The following TMEM218 variants were observed in gnomAD, a reference collection of about 807,000 sequenced individuals.
TMEM218 encodes transmembrane protein 218.
Under a neutral mutation model 10.0 loss-of-function variants are expected in TMEM218, and 8 were observed. That is an observed-to-expected ratio of 0.80 (90% CI 0.47 to 1.44). The LOEUF (loss-of-function observed/expected upper bound fraction) is 1.44. TMEM218 is among the 40% of genes most tolerant of loss of function. The pLI is 0.00. For synonymous variants in TMEM218, 66 were observed against 63.5 expected (o/e 1.04, Z -0.18); for missense variants, 110 against 140.1 (o/e 0.79, Z 1.08).
Position 125,108,342 on chromosome 11 carries a change from CAAATGATTCTCCAATAGG to C in TMEM218, c.-153+3179_-153+3196del, listed in dbSNP as rs1364328823. Among the ~76,000 whole-genome samples the C allele has an allele frequency of 1.3e-5, 2 of 152,076 alleles. No individual in the cohort carries two copies. The highest frequency in any genetic ancestry group is 3.9e-4 in the East Asian group (2 of 5,194). On this transcript the variant is annotated intron_variant, in intron 1 of 4. Transcript: ENST00000682305. This position sits in a 1 kb window ranked among gnomAD's most constrained non-coding sequence, Gnocchi z 5.3. ...AAGAACTTCATAGATAGTGTTGGGA[CAAATGATTCTCCAATAGG>C]AAAAGAATAAAACTAGATCTCTATA... is the stretch of plus-strand genomic sequence containing the variant.
chr11:125,098,838 G>A (rs1449844764), intron 4 of TMEM218, among the ~76,000 whole-genome samples: 1 of 152,156 alleles, frequency 6.6e-6, no homozygotes, highest in Non-Finnish European at 1.5e-5. Context: ...AGAGAGGTGA[G>A]GATGGAAGCA....
intron 3 of TMEM218, chr11:125,101,715 T>C (rs1306263078): frequency 3.7e-6 from 2 of 544,740 alleles, no homozygotes; most frequent in Admixed American, 3.6e-5. Flanking sequence ...AGTCGGTTTA[T>C]GGCCTAACCC....
chr11:125,102,222 C>G lies in TMEM218; in HGVS notation c.20G>C (p.Gly7Ala). The change falls in exon 3 of 5, where the codon GGA becomes GCA. Residue 7 changes from glycine (G) to alanine (A), a missense_variant. Transcript: ENST00000682305. MAGTVL[G>A]VGAGVFILAL... is the part of the protein sequence containing the mutation. ...TAAGATGAACACGCCCGCACCGACT[C>G]CGAGCACAGTGCCAGCCATCCCGCG... 1 of 1,613,124 alleles carries G rather than the reference C, an allele frequency of 6.2e-7. No homozygotes were observed. The highest frequency in any genetic ancestry group is 8.5e-7 in the Non-Finnish European group (1 of 1,179,600).
chr11:125,102,135 G>A lies in TMEM218; in HGVS notation c.107C>T (p.Ala36Val), dbSNP rs370333194. Residue 36 changes from alanine (A) to valine (V), a missense_variant, in exon 3 of 5, where the codon GCG becomes GTG. By Grantham distance (64) the Ala-to-Val change is moderately conservative. Transcript: ENST00000682305. ...CVLLSRASGA[A>V]RFSVIFLFFG... Reference sequence around the variant, plus strand: ...CCAGTTGGACAGAATGCCTTACCTCGCCGCCCCGGAGGCTCTGGACAGCAG... The same window carrying A: ...CCAGTTGGACAGAATGCCTTACCTCACCGCCCCGGAGGCTCTGGACAGCAG... The A allele has an allele frequency of 1.7e-5, 26 of 1,551,682 alleles. No individual in the cohort carries two copies. Among genetic ancestry groups the A allele is most frequent in the South Asian group, 1.6e-4 (13 of 82,578 alleles).
At chr11:125,099,681 T>C (rs1950335065) in intron 4 of TMEM218, among the ~76,000 whole-genome samples, 1 of 152,052 alleles carries the variant, frequency 6.6e-6, no homozygotes, top group African/African-American at 2.4e-5. Flanking sequence ...CCCAGCACTT[T>C]GGGAGGCTGA....
At chr11:125,103,832 AC>A (rs1469091497) in intron 1 of TMEM218, 1 of 152,172 alleles carries the variant, frequency 6.6e-6, no homozygotes, top group African/African-American at 2.4e-5. Context: ...GGTTTTCTTT[AC>A]CCTTATGGTT....
In TMEM218 at chr11:125,102,142, C is replaced by G. The variant is rs555162278; in HGVS notation, c.100G>C (p.Gly34Arg). The G allele has an allele frequency of 6.4e-7, 1 of 1,567,530 alleles. No individual in the cohort carries two copies. The highest frequency in any genetic ancestry group is 8.6e-7 in the Non-Finnish European group (1 of 1,161,040). Residue 34 changes from glycine to arginine, a missense_variant, in exon 3 of 5, where the codon GGG becomes CGG. Transcript: ENST00000682305. ...LLCVLLSRAS[G>R]AARFSVIFLF... Reference sequence around the variant, plus strand: ...GACAGAATGCCTTACCTCGCCGCCCCGGAGGCTCTGGACAGCAGCACACAC... The same window carrying G: ...GACAGAATGCCTTACCTCGCCGCCCGGGAGGCTCTGGACAGCAGCACACAC...
chr11:125,106,478 CAGG>C lies in TMEM218; in HGVS notation c.-152-3672_-152-3670del, dbSNP rs892798944. Among the ~76,000 whole-genome samples the C allele has an allele frequency of 3.9e-5, 6 of 152,166 alleles. No homozygotes were observed. The South Asian group carries it at 6.2e-4, about 16-fold the overall frequency. ...TAAATGTATAAAACCACTAATTTAG[CAGG>C]AGATTTTAATATATGTCTCAGAAAC... On this transcript the variant is annotated intron_variant, in intron 1 of 4. Transcript: ENST00000682305.
intron 1 of TMEM218, among the ~76,000 whole-genome samples, chr11:125,109,013 A>T (rs1952984515): frequency 1.3e-5 from 2 of 152,340 alleles, no homozygotes; most frequent in South Asian, 2.1e-4. Context: ...TTCTAGACAC[A>T]GTCTTGCATA....
chr11:125,105,519 A>C (rs1334437165), intron 1 of TMEM218, among the ~76,000 whole-genome samples: 38 of 152,338 alleles, frequency 2.5e-4, no homozygotes, highest in Non-Finnish European at 1.5e-5. Context: ...AAAATTATTA[A>C]GAAATATTGA....
In TMEM218 at chr11:125,108,312, G is replaced by A. The variant is rs1419490521; in HGVS notation, c.-153+3227C>T. On this transcript the variant is annotated intron_variant, in intron 1 of 4. Transcript: ENST00000682305. This position sits in a 1 kb window ranked among gnomAD's most constrained non-coding sequence, Gnocchi z 5.3. ...CACAGAGTTGGCTTTATGATTCAAT[G>A]GGTAAAGAACTTCATAGATAGTGTT... 6.6e-6 allele frequency among the ~76,000 whole-genome samples: 1 copy of A among 152,138 alleles called. No homozygotes were observed. The highest frequency in any genetic ancestry group is 1.5e-5 in the Non-Finnish European group (1 of 68,014).
In TMEM218 at chr11:125,102,167, C is replaced by T. The variant is rs769791596; in HGVS notation, c.75G>A (p.Leu25=). The T allele has an allele frequency of 7.5e-6, 12 of 1,608,602 alleles. No homozygotes were observed. Among genetic ancestry groups the T allele is most frequent in the Non-Finnish European group, 1.0e-5 (12 of 1,177,712 alleles). ...CGGAGGCTCTGGACAGCAGCACACA[C>T]AGCAGCAGCACTGCCACCCAGAGCA... ...LALLWVAVLL[L]CVLLSRASGA... Residue 25 remains leucine (L), a synonymous_variant, in exon 3 of 5, where the codon CTG becomes CTA. Coordinates refer to ENST00000682305, the MANE Select transcript of TMEM218 (RefSeq NM_001258244.2).
In TMEM218 at chr11:125,097,379, G is replaced by A. The variant is rs1591360125; in HGVS notation, c.*227C>T. ...AATCCTAAGGTACGGGTACTAAGAA[G>A]ATAGCAATATCCTTCTTAAGCTGGT... On this transcript the variant is annotated 3_prime_UTR_variant, in exon 5 of 5. Transcript: ENST00000682305. The A allele has an allele frequency of 2.1e-5, 9 of 422,442 alleles. No individual in the cohort carries two copies. The highest frequency in any genetic ancestry group is 1.4e-4 in the East Asian group (4 of 27,876). 26.2% of individuals were successfully genotyped at this position (422,442 alleles called of 1,614,324 possible). A position where few individuals can be genotyped will look rare whatever the true frequency, so the allele number is the denominator to read the frequency against.
rs758805438 is a variant in TMEM218 at position 125,101,239 on chromosome 11, G to A, written c.175C>T (p.Arg59Ter). 1.5e-5 allele frequency: 25 copies of A among 1,613,508 alleles called. No homozygotes were observed. The highest frequency in any genetic ancestry group is 6.7e-5 in the African/African-American group (5 of 74,910). The change falls in exon 4 of 5, where the codon CGA becomes TGA. Residue 59 changes from arginine to a stop codon, truncating the protein, a stop_gained. Transcript: ENST00000682305. LOFTEE classifies it high-confidence loss of function. ...IITSVLLLFP[R>*]AGEFPAPEVE... ...TCTGGGGCTGGGAATTCACCAGCTC[G>A]CGGGAAAAGCAACAGAACTGATGTG... is the stretch of plus-strand genomic sequence containing the variant.
At chr11:125,099,065 G>C (rs1296749892) in intron 4 of TMEM218, among the ~76,000 whole-genome samples, 1 of 152,186 alleles carries the variant, frequency 6.6e-6, no homozygotes, top group African/African-American at 2.4e-5. Context: ...ATCTGTGTTG[G>C]GAGCCATTAG....
intron 1 of TMEM218, chr11:125,104,824 C>T (rs1183113323): frequency 6.6e-6 from 1 of 152,164 alleles, no homozygotes. Context: ...CAACAGCAAA[C>T]ACATAAATGT....
chr11:125,103,491 A>G (rs900468095), intron 1 of TMEM218: 7 of 152,238 alleles, frequency 4.6e-5, no homozygotes, highest in African/African-American at 1.7e-4. Context: ...CTTTTAACTC[A>G]CAACTCCAGT....
intron 1 of TMEM218, chr11:125,104,633 C>A (rs1287525334): frequency 6.6e-6 from 1 of 152,204 alleles, no homozygotes; most frequent in African/African-American, 2.4e-5. Context: ...ACTGTGGTAA[C>A]CCCAGTTCTT....
At position 125,097,703 on chromosome 11, in the gene TMEM218, A is replaced by T; in HGVS notation, c.251T>A (p.Leu84Gln). 1 of 1,614,120 alleles carries T rather than the reference A, an allele frequency of 6.2e-7. No homozygotes were observed. The highest frequency in any genetic ancestry group is 8.5e-7 in the Non-Finnish European group (1 of 1,179,990). Reference sequence around the variant, plus strand: ...AAGGAAGATGGCACTAAGGAAAGCCAGCAGGACATAGCGGCCAATGAAAAA... The same window carrying T: ...AAGGAAGATGGCACTAAGGAAAGCCTGCAGGACATAGCGGCCAATGAAAAA... ...DDFFIGRYVL[L>Q]AFLSAIFLGG... Residue 84 changes from leucine (L) to glutamine (Q), a missense_variant, in exon 5 of 5, where the codon CTG (leucine) becomes CAG (glutamine). Coordinates refer to ENST00000682305, the MANE Select transcript of TMEM218 (RefSeq NM_001258244.2).
Sources: allele counts gnomAD v4.1 joint callset (sites outside exome capture counted in the v4.1 genomes callset), GRCh38; gene constraint gnomAD v4.1.1; non-coding constraint Gnocchi (gnomAD v3.1); transcripts MANE v1.5; gene names NCBI Gene and HGNC (gene_info 2026-07-23, HGNC 2026-07-21).